The following GABBR2 variants were observed in gnomAD, a reference collection of about 807,000 sequenced individuals.
GABBR2 encodes the protein G-protein coupled receptor 51.
Under a neutral mutation model 105.6 loss-of-function variants are expected in GABBR2, and 23 were observed. The ratio of observed to expected loss-of-function variants is 0.22; its 90% CI spans 0.16 to 0.31. GABBR2 has a LOEUF of 0.31. Ranked by LOEUF, GABBR2 falls within the 10% of genes least tolerant of loss-of-function variation. The pLI is 1.00. For missense variants in GABBR2, 734 were observed against 1,245.5 expected (o/e 0.59, Z 6.18); for synonymous variants, 478 against 499.7 (o/e 0.96, Z 0.58).
At position 98,475,358 on chromosome 9, in the gene GABBR2, AGAAAAG is replaced by A. The variant is rs560683542; in HGVS notation, c.799-2018_799-2013del. Among the ~76,000 whole-genome samples the A allele has an allele frequency of 5.2e-3, 795 of 151,454 alleles. 5 individuals carry two copies. Among genetic ancestry groups the A allele is most frequent in the African/African-American group, 0.018 (726 of 41,076 alleles). ...TCCACAGAAACTTTAAAAAAAAAAA[AGAAAAG>A]AAAAGAAAAGAAAAGAAATGCCAGA... On this transcript the variant is annotated intron_variant, in intron 5 of 18. Transcript: ENST00000259455.
At chr9:98,315,515 C>T (rs965814393) in intron 13 of GABBR2, among the ~76,000 whole-genome samples, 1 of 152,206 alleles carries the variant, frequency 6.6e-6, no homozygotes, top group Admixed American at 6.5e-5. Context: ...TGCACTGAAC[C>T]ACAAAGCAGA....
intron 2 of GABBR2, among the ~76,000 whole-genome samples, chr9:98,558,094 G>C (rs984405279): frequency 2.6e-5 from 4 of 152,162 alleles, no homozygotes; most frequent in African/African-American, 9.7e-5. Flanking sequence ...GTGTCAAGAA[G>C]AGAGGGTAGC....
At chr9:98,527,605 C>G (rs1477512833) in intron 3 of GABBR2, among the ~76,000 whole-genome samples, 1 of 151,880 alleles carries the variant, frequency 6.6e-6, no homozygotes, top group Non-Finnish European at 1.5e-5. Flanking sequence ...TCCCATTCCC[C>G]AAAGCAATAA....
intron 1 of GABBR2, among the ~76,000 whole-genome samples, chr9:98,668,136 C>G (rs1830360205): frequency 6.6e-6 from 1 of 152,234 alleles, no homozygotes; most frequent in African/African-American, 2.4e-5. Context: ...TCTGCCCCCT[C>G]CCTCCTACCG....
chr9:98,664,483 A>ATTAT (rs1338967374), intron 1 of GABBR2, among the ~76,000 whole-genome samples: 1 of 152,240 alleles, frequency 6.6e-6, no homozygotes, highest in Non-Finnish European at 1.5e-5. Flanking sequence ...TGGCAAATCC[A>ATTAT]TTATTTTCTA....
intron 3 of GABBR2, among the ~76,000 whole-genome samples, chr9:98,529,190 AAAG>A (rs777591517): frequency 5.3e-5 from 8 of 152,220 alleles, no homozygotes; most frequent in South Asian, 2.1e-4. Flanking sequence ...GTTTTGGAAA[AAAG>A]AAGAAGACCG....
chr9:98,698,254 G>C (rs997495512), intron 1 of GABBR2, among the ~76,000 whole-genome samples: 3 of 152,082 alleles, frequency 2.0e-5, no homozygotes, highest in Admixed American at 2.0e-4. Context: ...TGTGGAACAC[G>C]GGCATTGATG....
chr9:98,510,972 A>G (rs920496560), intron 3 of GABBR2, among the ~76,000 whole-genome samples: 3 of 151,984 alleles, frequency 2.0e-5, no homozygotes, highest in Non-Finnish European at 4.4e-5. Flanking sequence ...GCACCACACC[A>G]CACCTATTCC....
At chr9:98,379,898 A>G (rs1831941919) in intron 11 of GABBR2, among the ~76,000 whole-genome samples, 1 of 152,250 alleles carries the variant, frequency 6.6e-6, no homozygotes, top group South Asian at 2.1e-4. Flanking sequence ...TTAATTTAAA[A>G]AAATCTGAGA....
Position 98,657,891 on chromosome 9 carries a change from G to A in GABBR2, c.321+50526C>T, listed in dbSNP as rs148971931. ...TGAAGAAGATACCTGCTTCTCCTTT[G>A]TCTTCTGCCATGACTGTAAGTTTCC... On this transcript the variant is annotated intron_variant, in intron 1 of 18. Transcript: ENST00000259455. Among the ~76,000 whole-genome samples, 1,493 of 152,294 alleles carry A rather than the reference G, an allele frequency of 9.8e-3. 14 individuals are homozygous for A. The highest frequency in any genetic ancestry group is 0.015 in the Non-Finnish European group (1,041 of 68,018).
At chr9:98,523,110 TCAAAGA>T (rs1827896903) in intron 3 of GABBR2, among the ~76,000 whole-genome samples, 1 of 152,166 alleles carries the variant, frequency 6.6e-6, no homozygotes, top group Non-Finnish European at 1.5e-5. Flanking sequence ...AAAGCTGTAA[TCAAAGA>T]CATTTATATG....
intron 1 of GABBR2, among the ~76,000 whole-genome samples, chr9:98,685,190 C>A (rs1400160306): frequency 6.6e-6 from 1 of 152,224 alleles, no homozygotes; most frequent in East Asian, 1.9e-4. Context: ...CCGGATGATT[C>A]CTGCCCTAGA....
At chr9:98,401,540 C>T (rs61278331) in intron 8 of GABBR2, among the ~76,000 whole-genome samples, 6,038 of 152,210 alleles carry the variant, frequency 0.04, 413 homozygotes, top group African/African-American at 0.14. Context: ...TTCCGTGTGT[C>T]CCCTGGTTCC....
intron 1 of GABBR2, among the ~76,000 whole-genome samples, chr9:98,625,299 T>C (rs918511273): frequency 3.3e-5 from 5 of 152,240 alleles, no homozygotes; most frequent in African/African-American, 4.8e-5. Context: ...TCCTGGTCAC[T>C]GATGCCCGGC....
Position 98,388,762 on chromosome 9 carries a change from CT to C in GABBR2, c.1529+91del. 1 of 1,042,476 alleles carries C rather than the reference CT, an allele frequency of 9.6e-7. No homozygotes were observed. Among genetic ancestry groups the C allele is most frequent in the East Asian group, 2.5e-5 (1 of 40,714 alleles). 64.6% of individuals were successfully genotyped at this position (1,042,476 alleles called of 1,614,324 possible). A position where few individuals can be genotyped will look rare whatever the true frequency, so the allele number is the denominator to read the frequency against. On this transcript the variant is annotated intron_variant, in intron 10 of 18. Coordinates refer to ENST00000259455, the MANE Select transcript of GABBR2 (RefSeq NM_005458.8). This position sits in a 1 kb window ranked among gnomAD's most constrained non-coding sequence, Gnocchi z 4.4. ...CTCTGCCCTGCAGACTTCTGTGTCCCTGGGGAATCTGTCATGTGGCACTCCT... is the reference window on the plus strand; with the variant it reads ...CTCTGCCCTGCAGACTTCTGTGTCCCGGGGAATCTGTCATGTGGCACTCCT...
At chr9:98,398,491 C>A (rs910107542) in intron 8 of GABBR2, among the ~76,000 whole-genome samples, 2 of 152,076 alleles carry the variant, frequency 1.3e-5, no homozygotes, top group Non-Finnish European at 2.9e-5. Flanking sequence ...GCCCCAAACT[C>A]CTGTTCAATG....
At chr9:98,694,779 T>C (rs543056443) in intron 1 of GABBR2, among the ~76,000 whole-genome samples, 80 of 152,332 alleles carry the variant, frequency 5.3e-4, no homozygotes, top group African/African-American at 1.9e-3. Flanking sequence ...AATAACTCTA[T>C]GAAAAAGCAG....
intron 2 of GABBR2, among the ~76,000 whole-genome samples, chr9:98,566,326 T>C (rs1026611216): frequency 2.2e-4 from 33 of 152,294 alleles, no homozygotes; most frequent in African/African-American, 7.7e-4. Context: ...TTTTAGTCAA[T>C]TTTCCTCAAC....
chr9:98,575,316 G>A (rs998149475), intron 2 of GABBR2, among the ~76,000 whole-genome samples: 1 of 152,158 alleles, frequency 6.6e-6, no homozygotes, highest in Non-Finnish European at 1.5e-5. Context: ...TAGGAAGAAT[G>A]GGATGTTTTG....
Sources: allele counts gnomAD v4.1 joint callset (sites outside exome capture counted in the v4.1 genomes callset), GRCh38; gene constraint gnomAD v4.1.1; non-coding constraint Gnocchi (gnomAD v3.1); transcripts MANE v1.5; gene names NCBI Gene and HGNC (gene_info 2026-07-23, HGNC 2026-07-21).